The following TATDN1 variants were observed in gnomAD, a reference collection of about 807,000 sequenced individuals.
TATDN1 encodes the protein deoxyribonuclease TATDN1.
TATDN1 carries 40 observed loss-of-function variants against 46.4 expected under a neutral mutation model. The ratio of observed to expected loss-of-function variants is 0.86; its 90% confidence interval spans 0.67 to 1.12. The LOEUF is 1.12. Among genes scored for constraint, TATDN1 ranks in the 50% most tolerant of loss-of-function variants. The probability of loss-of-function intolerance (pLI) is 0.00; values close to 1 mark genes in which losing one functional copy is unlikely to be tolerated. For synonymous variants in TATDN1, 95 were observed against 105.6 expected, an observed-to-expected ratio of 0.90 and a Z score of 0.62; for missense variants, 326 against 348.4, an observed-to-expected ratio of 0.94 and a Z score of 0.51.
chr8:124,497,485 C>T (rs1012268136), intron 9 of TATDN1, among the ~76,000 whole-genome samples: 2 of 152,126 alleles, frequency 1.3e-5, no homozygotes, highest in Admixed American at 6.5e-5. Flanking sequence ...GGGGGTTTCA[C>T]CATGTTGGCC....
intron 11 of TATDN1, 70 bp downstream of exon 11, chr8:124,493,763 G>C: frequency 6.6e-7 from 1 of 1,517,090 alleles, no homozygotes; most frequent in South Asian, 1.3e-5. Context: ...TCTGTCCCTT[G>C]CGTTAATTTT....
At chr8:124,522,903 G>A in intron 2 of TATDN1, 34 bp downstream of exon 2, 1 of 1,581,762 alleles carries the variant, frequency 6.3e-7, no homozygotes, top group Non-Finnish European at 8.7e-7. Context: ...TGTCTTCATA[G>A]GAAACTATTC....
intron 4 of TATDN1, among the ~76,000 whole-genome samples, chr8:124,518,105 G>A (rs778961934): frequency 2.0e-5 from 3 of 150,364 alleles, no homozygotes; most frequent in Non-Finnish European, 4.4e-5. Flanking sequence ...CCAGCTACAT[G>A]GGAGGCTGAG....
In TATDN1 at chr8:124,506,891, G is replaced by C. The variant is rs190232460; in HGVS notation, c.516+1583C>G. On this transcript the variant is annotated intron_variant, in intron 8 of 11. Transcript: ENST00000276692. ...GAGACTAAAAATCATGGCTGGGCAA[G>C]GTGGCTCATGCCTGTAATCCTAGCA... Among the ~76,000 whole-genome samples the C allele has an allele frequency of 1.4e-3, 215 of 152,242 alleles. 2 individuals carry two copies. The East Asian group carries it at 0.03, about 21-fold the overall frequency.
chr8:124,500,535 C>T (rs963012215), intron 9 of TATDN1, among the ~76,000 whole-genome samples: 1 of 151,930 alleles, frequency 6.6e-6, no homozygotes, highest in African/African-American at 2.4e-5. Context: ...GGTGAAACCC[C>T]ATCTCTACAA....
intron 1 of TATDN1, among the ~76,000 whole-genome samples, chr8:124,531,470 T>C (rs572251940): frequency 2.8e-4 from 43 of 152,284 alleles, no homozygotes; most frequent in Middle Eastern, 6.8e-3. Flanking sequence ...TTAAAAAACT[T>C]GTTCTAGTAT....
intron 1 of TATDN1, chr8:124,538,523 C>G: frequency 6.2e-6 from 1 of 161,030 alleles, no homozygotes; most frequent in South Asian, 1.5e-4. Context: ...GTTTCTCCAC[C>G]AGATGGTGAT....
At chr8:124,535,800 A>G (rs1369090594) in intron 1 of TATDN1, among the ~76,000 whole-genome samples, 37 of 152,246 alleles carry the variant, frequency 2.4e-4, no homozygotes, top group Admixed American at 2.4e-3. Context: ...CATGACACCA[A>G]CATCTGCTTT....
chr8:124,502,470 C>T (rs1459611811), intron 9 of TATDN1, among the ~76,000 whole-genome samples: 5 of 152,046 alleles, frequency 3.3e-5, no homozygotes, highest in African/African-American at 9.7e-5. Context: ...ACTTCAGAAT[C>T]GTGTAGTTGC....
At chr8:124,533,070 G>A (rs1186974081) in intron 1 of TATDN1, among the ~76,000 whole-genome samples, 1 of 152,104 alleles carries the variant, frequency 6.6e-6, no homozygotes, top group Non-Finnish European at 1.5e-5. Context: ...GGCTAACACG[G>A]TAAAACCCCG....
At chr8:124,517,150 G>A (rs2131485322) in intron 4 of TATDN1, among the ~76,000 whole-genome samples, 1 of 152,270 alleles carries the variant, frequency 6.6e-6, no homozygotes, top group Middle Eastern at 3.4e-3. Flanking sequence ...TGTCAATGGG[G>A]TGGGTGAGGT....
intron 6 of TATDN1, among the ~76,000 whole-genome samples, chr8:124,514,311 A>T (rs72713082): frequency 0.071 from 10,871 of 152,180 alleles, 618 homozygotes; most frequent in South Asian, 0.29. Context: ...TGCGTAATTT[A>T]AAAAAATCCC....
At chr8:124,491,890 T>G (rs1364588027) in intron 11 of TATDN1, among the ~76,000 whole-genome samples, 2 of 152,246 alleles carry the variant, frequency 1.3e-5, no homozygotes, top group Non-Finnish European at 2.9e-5. Flanking sequence ...TAAATGTGGT[T>G]TAAATCTTTT....
chr8:124,488,579 G>A lies in TATDN1; in HGVS notation c.*15C>T. 1 of 1,279,620 alleles carries A rather than the reference G, an allele frequency of 7.8e-7. No individual in the cohort carries two copies. 79.3% of individuals were successfully genotyped at this position (1,279,620 alleles called of 1,614,324 possible). The stretch of plus-strand genomic sequence containing the variant: ...AATTTTACATACATGATGGAAAGTG[G>A]AAGACATATACCAATTATATTCCAG... On this transcript the variant is annotated 3_prime_UTR_variant, in exon 12 of 12. Transcript: ENST00000276692.
At chr8:124,492,270 T>C (rs2131336067) in intron 11 of TATDN1, among the ~76,000 whole-genome samples, 2 of 152,280 alleles carry the variant, frequency 1.3e-5, no homozygotes, top group Middle Eastern at 6.8e-3. Flanking sequence ...CCACCATGCC[T>C]GGCCAGCCTT....
intron 9 of TATDN1, among the ~76,000 whole-genome samples, chr8:124,500,763 A>AAC (rs1248294629): frequency 6.6e-6 from 1 of 151,972 alleles, no homozygotes; most frequent in Non-Finnish European, 1.5e-5. Context: ...TAAAAAAAAA[A>AAC]AAACAAAACC....
At chr8:124,535,666 ATG>A (rs1821370463) in intron 1 of TATDN1, among the ~76,000 whole-genome samples, 1 of 152,168 alleles carries the variant, frequency 6.6e-6, no homozygotes, top group South Asian at 2.1e-4. Context: ...TGGTGGTGTT[ATG>A]TGTGATTTGG....
chr8:124,515,485 A>G (rs1326415625), intron 6 of TATDN1, among the ~76,000 whole-genome samples: 1 of 152,196 alleles, frequency 6.6e-6, no homozygotes, highest in African/African-American at 2.4e-5. Context: ...AAAATGTAAA[A>G]TCTCTATCAT....
chr8:124,521,535 C>T (rs1820047474), intron 3 of TATDN1: 1 of 152,136 alleles, frequency 6.6e-6, no homozygotes, highest in Non-Finnish European at 1.5e-5. Flanking sequence ...ATTTAGTCAG[C>T]AGTGTCACTT....
Sources: gnomAD v4.1 joint callset for allele counts (sites outside exome capture counted in the v4.1 genomes callset) on GRCh38, gnomAD v4.1.1 for gene constraint, MANE v1.5 for transcripts, NCBI Gene and HGNC (gene_info 2026-07-23, HGNC 2026-07-21) for gene names.